Variants in PCDH15 observed in about 807,000 individuals in gnomAD.
The protein encoded by PCDH15 is protocadherin-15.
In PCDH15, 129 loss-of-function variants were observed where a neutral mutation model predicts 178.5. The ratio of observed to expected loss-of-function variants is 0.72; its 90% confidence interval spans 0.63 to 0.84. The LOEUF is 0.84. PCDH15 is among the 40% of genes least tolerant of loss of function. PCDH15 has a pLI of 0.00. For missense variants in PCDH15, 2,230 were observed against 2,099.9 expected (o/e 1.06, Z -1.21); for synonymous variants, 800 against 732.0 (o/e 1.09, Z -1.50).
intron 2 of PCDH15, among the ~76,000 whole-genome samples, chr10:55,614,547 T>G (rs529673011): frequency 6.6e-6 from 1 of 152,322 alleles, no homozygotes; most frequent in East Asian, 1.9e-4. Flanking sequence ...TTTTCTGTTA[T>G]AACAGAAATG....
intron 3 of PCDH15, among the ~76,000 whole-genome samples, chr10:54,884,528 C>T (rs1030098447): frequency 2.7e-5 from 4 of 146,276 alleles, no homozygotes; most frequent in Non-Finnish European, 6.0e-5. Flanking sequence ...TGTGCATGTT[C>T]CTGACTTTCA....
At chr10:54,186,773 C>T (rs182686700) in intron 11 of PCDH15, among the ~76,000 whole-genome samples, 1 of 151,938 alleles carries the variant, frequency 6.6e-6, no homozygotes, top group Admixed American at 6.6e-5. Flanking sequence ...TGTCATGAAC[C>T]CAATTACTCA....
intron 2 of PCDH15, among the ~76,000 whole-genome samples, chr10:55,563,695 C>T (rs1189769396): frequency 6.8e-6 from 1 of 146,268 alleles, no homozygotes; most frequent in Non-Finnish European, 1.5e-5. Flanking sequence ...TTTAAAATAA[C>T]CATTATAATG....
intron 8 of PCDH15, among the ~76,000 whole-genome samples, chr10:54,307,036 GTGTGTA>G (rs2060528899): frequency 1.8e-4 from 4 of 22,746 alleles, no homozygotes; most frequent in African/African-American, 5.7e-4. Context: ...ATATGTGTGT[GTGTGTA>G]TATATATATA....
At chr10:55,518,804 C>G (rs1409438579) in intron 2 of PCDH15, among the ~76,000 whole-genome samples, 1 of 151,864 alleles carries the variant, frequency 6.6e-6, no homozygotes, top group African/African-American at 2.4e-5. Flanking sequence ...CTTAAAAACT[C>G]TTAATCTGGG....
chr10:55,144,964 GA>G (rs1838463829), intron 2 of PCDH15, among the ~76,000 whole-genome samples: 4 of 150,940 alleles, frequency 2.7e-5, no homozygotes, highest in African/African-American at 9.7e-5. Context: ...AATAAGAGAA[GA>G]AAAAAGAAAA....
intron 3 of PCDH15, among the ~76,000 whole-genome samples, chr10:54,515,458 T>G (rs1453814033): frequency 6.6e-5 from 10 of 152,144 alleles, no homozygotes; most frequent in Non-Finnish European, 1.5e-4. Context: ...GTTAGTTGTT[T>G]GATTAGGTAA....
At chr10:54,081,796 T>C (rs777721436) in intron 16 of PCDH15, among the ~76,000 whole-genome samples, 1 of 152,046 alleles carries the variant, frequency 6.6e-6, no homozygotes, top group Non-Finnish European at 1.5e-5. Flanking sequence ...CTGCTACTTA[T>C]ACAGGATTGA....
intron 32 of PCDH15, chr10:53,822,243 G>C: frequency 1.2e-6 from 2 of 1,613,896 alleles, no homozygotes; most frequent in South Asian, 1.1e-5. Context: ...AGGAGGTGGA[G>C]GGCAAGGAAT....
chr10:53,825,597 T>G (rs187327374), intron 32 of PCDH15, among the ~76,000 whole-genome samples: 17 of 151,754 alleles, frequency 1.1e-4, no homozygotes, highest in South Asian at 4.2e-4. Context: ...AATTACAAAG[T>G]AATTATAGCA....
chr10:53,821,829 T>C (rs551694595), intron 32 of PCDH15: 2 of 1,610,484 alleles, frequency 1.2e-6, no homozygotes, highest in East Asian at 2.2e-5. Context: ...CAACAAGAGG[T>C]TTGCCCGACT....
chr10:54,004,168 G>A (rs2446599), intron 20 of PCDH15, among the ~76,000 whole-genome samples: 107,005 of 151,742 alleles, frequency 0.71, 38,064 homozygotes, highest in African/African-American at 0.8. Context: ...TGACAAACCC[G>A]TAGCTACTCC....
chr10:55,072,947 C>G (rs1228140711), intron 2 of PCDH15, among the ~76,000 whole-genome samples: 1 of 151,342 alleles, frequency 6.6e-6, no homozygotes, highest in African/African-American at 2.4e-5. Flanking sequence ...GTTCAATATA[C>G]GCAAATCAAT....
chr10:55,433,793 G>T (rs991171094), intron 2 of PCDH15, among the ~76,000 whole-genome samples: 2 of 151,686 alleles, frequency 1.3e-5, no homozygotes, highest in Admixed American at 1.3e-4. Flanking sequence ...ATTCACTTGG[G>T]ATGTATCTTC....
At chr10:54,737,303 G>A (rs1227109888) in intron 1 of PCDH15, among the ~76,000 whole-genome samples, 2 of 152,048 alleles carry the variant, frequency 1.3e-5, no homozygotes, top group Non-Finnish European at 2.9e-5. Flanking sequence ...TGCATTTGTG[G>A]TAAAGCTGTA....
chr10:55,374,654 T>C (rs1713789608), intron 2 of PCDH15, among the ~76,000 whole-genome samples: 1 of 151,984 alleles, frequency 6.6e-6, no homozygotes, highest in Non-Finnish European at 1.5e-5. Context: ...ACTATTAGTA[T>C]ATGTAAAAAT....
intron 37 of PCDH15, 52 bp downstream of exon 37, chr10:53,810,504 A>T: frequency 6.6e-7 from 1 of 1,526,414 alleles, no homozygotes; most frequent in Non-Finnish European, 9.1e-7. Flanking sequence ...CGTAGGGTTA[A>T]ACAATATTTT....
chr10:55,138,458 G>T (rs1034438402), intron 2 of PCDH15, among the ~76,000 whole-genome samples: 1 of 152,048 alleles, frequency 6.6e-6, no homozygotes, highest in African/African-American at 2.4e-5. Context: ...TCTTGTGACT[G>T]TGGCCAGTAT....
At chr10:54,415,328 TA>T (rs1416655746) in intron 3 of PCDH15, among the ~76,000 whole-genome samples, 1 of 151,704 alleles carries the variant, frequency 6.6e-6, no homozygotes, top group Non-Finnish European at 1.5e-5. Context: ...CAAGATCAAT[TA>T]AAAAATATGG....
Sources: gnomAD v4.1 joint callset for allele counts (sites outside exome capture counted in the v4.1 genomes callset) on GRCh38, gnomAD v4.1.1 for gene constraint, MANE v1.5 for transcripts, NCBI Gene and HGNC (gene_info 2026-07-23, HGNC 2026-07-21) for gene names.